Variants in MARCHF1 observed in about 807,000 individuals in gnomAD.
MARCHF1 encodes membrane associated ring-CH-type finger 1.
In MARCHF1, 40 loss-of-function variants were observed where a neutral mutation model predicts 54.2. That is an observed-to-expected ratio of 0.74 (90% CI 0.57 to 0.96). MARCHF1 has a LOEUF of 0.96. Among genes scored for constraint, MARCHF1 ranks in the 40% least tolerant of loss-of-function variants. MARCHF1 has a pLI of 0.00. For missense variants in MARCHF1, 586 were observed against 656.5 expected (o/e 0.89, Z 1.17); for synonymous variants, 236 against 236.3 (o/e 1.00, Z 0.01).
chr4:163,770,219 A>C (rs930440707), intron 4 of MARCHF1, among the ~76,000 whole-genome samples: 2 of 152,188 alleles, frequency 1.3e-5, no homozygotes, highest in Non-Finnish European at 2.9e-5. Context: ...GCTTATACAG[A>C]AATTTTTGAC....
At chr4:163,577,412 T>A in intron 8 of MARCHF1, among the ~76,000 whole-genome samples, 1 of 152,060 alleles carries the variant, frequency 6.6e-6, no homozygotes, top group Non-Finnish European at 1.5e-5. Context: ...GGGCCTCTGA[T>A]ATCCCCTGGC....
intron 2 of MARCHF1, among the ~76,000 whole-genome samples, chr4:164,097,341 C>T (rs750130077): frequency 2.6e-5 from 4 of 152,136 alleles, no homozygotes; most frequent in Non-Finnish European, 4.4e-5. Context: ...AATTGATCAT[C>T]TCTTGAATCC....
chr4:164,349,430 G>A (rs1390023577), intron 1 of MARCHF1, among the ~76,000 whole-genome samples: 3 of 152,012 alleles, frequency 2.0e-5, no homozygotes, highest in Non-Finnish European at 2.9e-5. Context: ...CAATTTTGAA[G>A]TATTCTTTTT....
At chr4:164,166,837 T>C (rs537362643) in intron 1 of MARCHF1, among the ~76,000 whole-genome samples, 5 of 151,880 alleles carry the variant, frequency 3.3e-5, no homozygotes, top group African/African-American at 1.2e-4. Context: ...GTAGTATTTC[T>C]ATACACAAAT....
At chr4:164,039,225 T>C (rs144188783) in intron 2 of MARCHF1, among the ~76,000 whole-genome samples, 318 of 152,300 alleles carry the variant, frequency 2.1e-3, no homozygotes, top group African/African-American at 7.3e-3. Context: ...CATTTACTAA[T>C]CCAGTTTTTA....
intron 4 of MARCHF1, among the ~76,000 whole-genome samples, chr4:163,712,597 C>T (rs1355023832): frequency 6.6e-6 from 1 of 152,152 alleles, no homozygotes; most frequent in Non-Finnish European, 1.5e-5. Flanking sequence ...TTATTCAACT[C>T]TTTCTTATTC....
At chr4:164,237,369 A>C (rs1043170921) in intron 1 of MARCHF1, among the ~76,000 whole-genome samples, 1 of 152,058 alleles carries the variant, frequency 6.6e-6, no homozygotes, top group African/African-American at 2.4e-5. Flanking sequence ...CATTCTGTGT[A>C]TCATGCTTTT....
intron 5 of MARCHF1, among the ~76,000 whole-genome samples, chr4:163,613,846 A>AGATATTTGAAAATACTTTGT (rs1290105220): frequency 6.6e-6 from 1 of 152,174 alleles, no homozygotes; most frequent in Non-Finnish European, 1.5e-5. Context: ...AGGCCCCATG[A>AGATATTTGAAAATACTTTGT]GATATTTGAA....
At chr4:164,304,655 A>C (rs1734652599) in intron 1 of MARCHF1, among the ~76,000 whole-genome samples, 1 of 152,202 alleles carries the variant, frequency 6.6e-6, no homozygotes, top group Admixed American at 6.5e-5. Context: ...AACAAGAAAT[A>C]AGTTATTTCC....
chr4:163,994,973 G>T (rs191674002), intron 2 of MARCHF1, among the ~76,000 whole-genome samples: 3 of 151,992 alleles, frequency 2.0e-5, no homozygotes, highest in Admixed American at 2.0e-4. Flanking sequence ...AAATGTGTAG[G>T]TTTTTTTCCC....
intron 1 of MARCHF1, among the ~76,000 whole-genome samples, chr4:164,319,500 G>A (rs116762669): frequency 0.014 from 2,137 of 152,114 alleles, 45 homozygotes; most frequent in African/African-American, 0.049. Context: ...ATATTTCTTC[G>A]ATGAAGAAGC....
chr4:164,258,474 A>T (rs921084188), intron 1 of MARCHF1, among the ~76,000 whole-genome samples: 5 of 151,822 alleles, frequency 3.3e-5, no homozygotes, highest in African/African-American at 1.2e-4. Flanking sequence ...ACATTTAATT[A>T]TGGGTGTGGC....
At position 163,953,709 on chromosome 4, in the gene MARCHF1, G is replaced by A. The variant is rs1752178621; in HGVS notation, c.-39+34792C>T. ...ATCCTACATATTTTGCATAGCCTAT[G>A]AGTTAAGAATGGTTTTTACACTTTT... On this transcript the variant is annotated intron_variant, in intron 3 of 9. Transcript: ENST00000514618. Among the ~76,000 whole-genome samples the A allele has an allele frequency of 2.0e-5, 3 of 152,058 alleles. No homozygotes were observed. The South Asian group carries it at 6.2e-4, about 32-fold the overall frequency.
chr4:163,898,326 A>T (rs1054551551), intron 3 of MARCHF1, among the ~76,000 whole-genome samples: 3 of 152,172 alleles, frequency 2.0e-5, no homozygotes, highest in African/African-American at 7.2e-5. Flanking sequence ...TCTGCAAGGA[A>T]CTCAAACAAC....
intron 3 of MARCHF1, among the ~76,000 whole-genome samples, chr4:163,941,307 G>T (rs952153833): frequency 6.6e-6 from 1 of 152,060 alleles, no homozygotes; most frequent in African/African-American, 2.4e-5. Flanking sequence ...GAAGGTGTTA[G>T]GATTGAGCTA....
intron 1 of MARCHF1, among the ~76,000 whole-genome samples, chr4:164,132,825 G>A (rs1303875062): frequency 6.6e-6 from 1 of 151,864 alleles, no homozygotes; most frequent in Non-Finnish European, 1.5e-5. Flanking sequence ...GTATGTATGT[G>A]TATGTATATT....
At chr4:164,311,007 G>A (rs1046847215) in intron 1 of MARCHF1, among the ~76,000 whole-genome samples, 6 of 152,094 alleles carry the variant, frequency 3.9e-5, no homozygotes, top group Admixed American at 1.3e-4. Context: ...GATGCTCTTA[G>A]AATTCATCGT....
chr4:163,979,316 C>T (rs1245276597), intron 3 of MARCHF1, among the ~76,000 whole-genome samples: 1 of 147,792 alleles, frequency 6.8e-6, no homozygotes, highest in Non-Finnish European at 1.5e-5. Context: ...TGATGATTTC[C>T]AATTTCATCC....
At chr4:164,345,382 C>T (rs1423829325) in intron 1 of MARCHF1, among the ~76,000 whole-genome samples, 1 of 151,930 alleles carries the variant, frequency 6.6e-6, no homozygotes, top group Non-Finnish European at 1.5e-5. Flanking sequence ...GCCTGGGGAA[C>T]ATGGTGAATC....
Sources: gnomAD v4.1 joint callset for allele counts (sites outside exome capture counted in the v4.1 genomes callset) on GRCh38, gnomAD v4.1.1 for gene constraint, MANE v1.5 for transcripts, NCBI Gene and HGNC (gene_info 2026-07-23, HGNC 2026-07-21) for gene names.